The following CFAP74 variants were observed in gnomAD, a reference collection of about 807,000 sequenced individuals.
The protein encoded by CFAP74 is cilia- and flagella-associated protein 74.
In CFAP74, 124 loss-of-function variants were observed where a neutral mutation model predicts 188.9. The observed-to-expected ratio is 0.66, with a 90% CI of 0.57 to 0.76. The LOEUF is 0.76. Among genes scored for constraint, CFAP74 ranks in the 30% least tolerant of loss-of-function variants. The pLI is 0.00. For synonymous variants in CFAP74, 956 were observed against 916.7 expected (o/e 1.04, Z -0.77); for missense variants, 2,198 against 2,165.2 (o/e 1.02, Z -0.30).
chr1:1,943,228 T>A (rs1296837497), intron 21 of CFAP74, among the ~76,000 whole-genome samples: 1 of 152,132 alleles, frequency 6.6e-6, no homozygotes, highest in Middle Eastern at 3.2e-3. Context: ...CAGACACGCC[T>A]GGGCCCTTTC....
chr1:1,942,131 A>T lies in CFAP74; in HGVS notation c.2512T>A (p.Phe838Ile), dbSNP rs1653423434. ...TRSKAALRLK[F>I]EVCKELRAHL... The stretch of plus-strand genomic sequence containing the variant: ...GCCCTCAGCTCCTTGCACACCTCGA[A>T]CTTCAGGCGCAGGGCAGCTTTCGAC... Residue 838 changes from phenylalanine (F) to isoleucine (I), a missense_variant, in exon 22 of 39, where the codon TTC (phenylalanine) becomes ATC (isoleucine). Transcript: ENST00000682832. The surrounding 1 kb of genome is among the most constrained non-coding windows in gnomAD (Gnocchi z 4.3). The T allele has an allele frequency of 4.6e-6, 7 of 1,526,222 alleles. No homozygotes were observed. The highest frequency in any genetic ancestry group is 6.1e-6 in the Non-Finnish European group (7 of 1,143,014). The allele number at this position is 1,526,222 out of a possible 1,614,324, so 94.5% of individuals were successfully genotyped here.
chr1:1,939,028 G>T, intron 24 of CFAP74, 40 bp from the exon 25 acceptor site: 2 of 1,524,952 alleles, frequency 1.3e-6, no homozygotes, highest in South Asian at 2.4e-5. Context: ...GTCACGGGGA[G>T]ACCATGTGGA....
intron 18 of CFAP74, chr1:1,953,263 T>C (rs1374336772): frequency 6.6e-6 from 1 of 151,684 alleles, no homozygotes; most frequent in Admixed American, 6.6e-5. Flanking sequence ...GCGAGAACTA[T>C]ATAAGCTCAT....
At position 1,971,928 on chromosome 1, in the gene CFAP74, G is replaced by A. The variant is rs1025132657; in HGVS notation, c.888+52C>T. 71 of 1,424,712 alleles carry A rather than the reference G, an allele frequency of 5.0e-5. No homozygotes were observed. The East Asian group carries it at 1.2e-3, about 24-fold the overall frequency. The allele number at this position is 1,424,712 out of a possible 1,614,324, so 88.3% of individuals were successfully genotyped here. ...TCCCAAGGAGCAGGGGCCCAGGGAC[G>A]GACCCCGGCAGGGCGCCAAGGGAGA... On this transcript the variant is annotated intron_variant, in intron 9 of 38. Coordinates refer to ENST00000682832, the MANE Select transcript of CFAP74 (RefSeq NM_001304360.2).
At chr1:1,995,370 T>C (rs982972391) in intron 1 of CFAP74, among the ~76,000 whole-genome samples, 7 of 151,758 alleles carry the variant, frequency 4.6e-5, no homozygotes, top group Non-Finnish European at 4.4e-5. Flanking sequence ...CGCATCCCTG[T>C]AATCCCAGCT....
intron 6 of CFAP74, among the ~76,000 whole-genome samples, chr1:1,978,242 G>A (rs181487474): frequency 1.6e-3 from 245 of 152,300 alleles, no homozygotes; most frequent in African/African-American, 5.7e-3. Flanking sequence ...TGAAAGCACC[G>A]AGGGGCACTC....
At chr1:1,982,383 T>C (rs1322956856) in intron 6 of CFAP74, among the ~76,000 whole-genome samples, 5 of 138,942 alleles carry the variant, frequency 3.6e-5, no homozygotes, top group Non-Finnish European at 6.3e-5. Context: ...GAGTCCCAGC[T>C]GTGGTCACAC....
intron 18 of CFAP74, among the ~76,000 whole-genome samples, chr1:1,952,590 A>AAGAG (rs1654271699): frequency 6.7e-6 from 1 of 148,562 alleles, no homozygotes; most frequent in African/African-American, 2.5e-5. Context: ...GAAGCAAAGA[A>AAGAG]AAAGAAAGAA....
chr1:1,998,741 G>A (rs1033053671), intron 1 of CFAP74, among the ~76,000 whole-genome samples: 2 of 152,042 alleles, frequency 1.3e-5, no homozygotes, highest in African/African-American at 4.8e-5. Flanking sequence ...GCCGGGCGTG[G>A]TGGCGGGCAC....
At chr1:1,988,694 T>G in intron 3 of CFAP74, 39 bp from the exon 4 acceptor site, 1 of 1,600,000 alleles carries the variant, frequency 6.3e-7, no homozygotes, top group Non-Finnish European at 8.5e-7. Context: ...CCACCCCAGC[T>G]GCAGGCTCAG....
chr1:1,939,664 A>G lies in CFAP74; in HGVS notation c.2807T>C (p.Ile936Thr), dbSNP rs894486417. 2 of 1,535,920 alleles carry G rather than the reference A, an allele frequency of 1.3e-6. No homozygotes were observed. Among genetic ancestry groups the G allele is most frequent in the African/African-American group, 2.7e-5 (2 of 73,008 alleles). ...DFGYCTIYEA[I>T]RTEISLHNHS... ...GTTGTGGAGGCTGATTTCCGTCCTG[A>G]TGGCCTCATAGATGGTGCAGTAGCC... Residue 936 changes from isoleucine (I) to threonine (T), a missense_variant, in exon 24 of 39, where the codon ATC becomes ACC. Coordinates refer to ENST00000682832, the MANE Select transcript of CFAP74 (RefSeq NM_001304360.2).
At position 1,974,040 on chromosome 1, in the gene CFAP74, C is replaced by T. The variant is rs1395425586; in HGVS notation, c.659G>A (p.Arg220Gln). ...TGTCGCCTACCTGATCCTCAGCAGT[C>T]GGTTCCGCTCCACCTTCCCCAGGGC... The part of the protein sequence containing the change: ...QEALGKVERN[R>Q]LLRIRKSLNT... Residue 220 changes from arginine to glutamine, a missense_variant, in exon 7 of 39, where the codon CGA (arginine) becomes CAA (glutamine). By Grantham distance (43) the Arg-to-Gln change is conservative (BLOSUM62 1). Transcript: ENST00000682832. 7 of 1,580,924 alleles carry T rather than the reference C, an allele frequency of 4.4e-6. No homozygotes were observed. Among genetic ancestry groups the T allele is most frequent in the East Asian group, 4.6e-5 (2 of 43,386 alleles).
intron 18 of CFAP74, among the ~76,000 whole-genome samples, chr1:1,949,178 C>T (rs1654051193): frequency 9.3e-6 from 1 of 107,998 alleles, no homozygotes; most frequent in Admixed American, 1.4e-4. Context: ...TTCCTTCTTT[C>T]GACAGAGTCT....
At position 1,929,765 on chromosome 1, in the gene CFAP74, G is replaced by A. The variant is rs143722474; in HGVS notation, c.3288+295C>T. 6.3e-3 allele frequency among the ~76,000 whole-genome samples: 962 copies of A among 151,994 alleles called. 10 individuals carry two copies. Among genetic ancestry groups the A allele is most frequent in the African/African-American group, 0.022 (921 of 41,452 alleles). On this transcript the variant is annotated intron_variant, in intron 26 of 38. Coordinates refer to ENST00000682832, the MANE Select transcript of CFAP74 (RefSeq NM_001304360.2). ...ACAGCCTTCCCCAGTCTCAACCTGGGAGCCCTGGATGGGTTCCGGCCAGGC... is the reference window on the plus strand; with the variant it reads ...ACAGCCTTCCCCAGTCTCAACCTGGAAGCCCTGGATGGGTTCCGGCCAGGC...
chr1:1,982,468 G>A lies in CFAP74; in HGVS notation c.500+2918C>T, dbSNP rs189022836. 1.0e-3 allele frequency among the ~76,000 whole-genome samples: 152 copies of A among 152,386 alleles called. 1 individual carries two copies. Among genetic ancestry groups the A allele is most frequent in the Non-Finnish European group, 1.5e-3 (105 of 68,034 alleles). Reference sequence around the variant, plus strand: ...ATGCATGAGCCCCATGCCTCAGGCTGTGCCCAGGAGCTCCATCGGAGCACC... The same window carrying A: ...ATGCATGAGCCCCATGCCTCAGGCTATGCCCAGGAGCTCCATCGGAGCACC... On this transcript the variant is annotated intron_variant, in intron 6 of 38. Transcript: ENST00000682832.
At chr1:1,985,298 C>G in intron 6 of CFAP74, 88 bp downstream of exon 6, 1 of 1,158,868 alleles carries the variant, frequency 8.6e-7, no homozygotes, top group South Asian at 1.3e-5. Flanking sequence ...GCAAAACCCC[C>G]CAGATCTTGC....
chr1:1,927,052 G>C, intron 28 of CFAP74, 24 bp from the exon 29 acceptor site: 5 of 1,549,836 alleles, frequency 3.2e-6, no homozygotes, highest in Non-Finnish European at 4.4e-6. Flanking sequence ...AGAGGCTTGC[G>C]CTCCCGCCTT....
In CFAP74 at chr1:1,968,266, C is replaced by T. The variant is rs898671915; in HGVS notation, c.1245+369G>A. 2.0e-5 allele frequency among the ~76,000 whole-genome samples: 3 copies of T among 152,132 alleles called. No individual in the cohort carries two copies. The highest frequency in any genetic ancestry group is 4.8e-5 in the African/African-American group (2 of 41,406). On this transcript the variant is annotated intron_variant, in intron 11 of 38. Coordinates refer to ENST00000682832, the MANE Select transcript of CFAP74 (RefSeq NM_001304360.2). This position sits in a 1 kb window ranked among gnomAD's most constrained non-coding sequence, Gnocchi z 4.3. Reference sequence around the variant, plus strand: ...GGTGATCCCAGGCATGTGGTCTGAACGGCTGTGCACATCTCCCTGGCAGGC... The same window carrying T: ...GGTGATCCCAGGCATGTGGTCTGAATGGCTGTGCACATCTCCCTGGCAGGC...
chr1:1,998,603 G>A (rs979298642), intron 1 of CFAP74, among the ~76,000 whole-genome samples: 5 of 152,136 alleles, frequency 3.3e-5, no homozygotes, highest in South Asian at 2.1e-4. Flanking sequence ...GCCTGGGCGC[G>A]GTGGCTCACG....
Sources: allele counts gnomAD v4.1 joint callset (sites outside exome capture counted in the v4.1 genomes callset), GRCh38; gene constraint gnomAD v4.1.1; non-coding constraint Gnocchi (gnomAD v3.1); transcripts MANE v1.5; gene names NCBI Gene and HGNC (gene_info 2026-07-23, HGNC 2026-07-21).